Variants in KCNH7 observed in about 807,000 individuals in gnomAD.
KCNH7 encodes the protein potassium voltage-gated channel subfamily H member 7.
Under a neutral mutation model 120.8 loss-of-function variants are expected in KCNH7, and 49 were observed. The observed-to-expected ratio is 0.41, with a 90% confidence interval of 0.32 to 0.51. The LOEUF (loss-of-function observed/expected upper bound fraction) is 0.51. Among genes scored for constraint, KCNH7 ranks in the 20% least tolerant of loss-of-function variants. The probability of loss-of-function intolerance (pLI) is 0.38; values close to 1 mark genes in which losing one functional copy is unlikely to be tolerated. For missense variants in KCNH7, 1,097 were observed against 1,446.6 expected, an observed-to-expected ratio of 0.76 and a Z score of 3.92; for synonymous variants, 547 against 516.1, an observed-to-expected ratio of 1.06 and a Z score of -0.81.
chr2:162,592,103 T>G (rs940188930), intron 2 of KCNH7, among the ~76,000 whole-genome samples: 2 of 152,058 alleles, frequency 1.3e-5, no homozygotes, highest in African/African-American at 4.8e-5. Flanking sequence ...AACAAAAATA[T>G]AGGCAAAGAA....
At chr2:162,746,575 C>A (rs1027888227) in intron 2 of KCNH7, among the ~76,000 whole-genome samples, 4 of 151,974 alleles carry the variant, frequency 2.6e-5, no homozygotes, top group African/African-American at 7.2e-5. Flanking sequence ...CACACTTGAA[C>A]AGCCCAGATT....
intron 2 of KCNH7, among the ~76,000 whole-genome samples, chr2:162,616,542 T>C (rs1264758624): frequency 1.3e-5 from 2 of 152,182 alleles, no homozygotes; most frequent in Admixed American, 6.5e-5. Flanking sequence ...GTGGGTCAGA[T>C]TGTATGGTGT....
intron 5 of KCNH7, among the ~76,000 whole-genome samples, chr2:162,506,015 A>G (rs1161647999): frequency 6.6e-6 from 1 of 151,854 alleles, no homozygotes; most frequent in East Asian, 1.9e-4. Context: ...AAAAGTTTAC[A>G]CTTGTTTATT....
At chr2:162,400,068 T>C in intron 10 of KCNH7, 121 bp downstream of exon 10, 3 of 1,083,784 alleles carry the variant, frequency 2.8e-6, no homozygotes, top group African/African-American at 3.2e-5. Flanking sequence ...GCTTTCAAAT[T>C]ACCCACCATC....
At position 162,517,734 on chromosome 2, in the gene KCNH7, G is replaced by A. The variant is rs746682197; in HGVS notation, c.888C>T (p.Ser296=). ...TTAAAAAAAAATCAAACATACCTTC[G>A]CTGGCATGTCGGTCTCTAAATATGT... ...PKNIFRDRHA[S]EDNGRNVKGP... Residue 296 remains serine (S), a synonymous_variant, in exon 4 of 16, where the codon AGC becomes AGT. Transcript: ENST00000332142. The A allele has an allele frequency of 5.1e-5, 78 of 1,543,350 alleles. No individual in the cohort carries two copies. In the East Asian group the frequency reaches 1.2e-3, roughly 23 times the overall value.
At position 162,836,728 on chromosome 2, in the gene KCNH7, C is replaced by A. The variant is rs1166460826; in HGVS notation, c.116G>T (p.Cys39Phe). Residue 39 changes from cysteine (C) to phenylalanine (F), a missense_variant, in exon 2 of 16, where the codon TGT becomes TTT. This residue lies in a region of KCNH7 where 57 missense variants were observed against 116.2 expected (regional missense o/e 0.49). Coordinates refer to ENST00000332142, the MANE Select transcript of KCNH7 (RefSeq NM_033272.4). ...CCCATCGTTGCAATAAATGATGGCA[C>A]AGTTCTGCACTCTGGCATTTGCAAT... The part of the protein sequence containing the change: ...FIIANARVQN[C>F]AIIYCNDGFC... 1.9e-6 allele frequency: 3 copies of A among 1,613,896 alleles called. No homozygotes were observed. In the Admixed American group the frequency reaches 5.0e-5, roughly 27 times the overall value.
intron 6 of KCNH7, among the ~76,000 whole-genome samples, chr2:162,488,821 T>C (rs1337016871): frequency 2.6e-5 from 4 of 152,198 alleles, no homozygotes; most frequent in African/African-American, 7.2e-5. Context: ...CACTTCCCAG[T>C]GCCAGGGCTC....
chr2:162,517,601 TTTTA>T, intron 4 of KCNH7, 125 bp downstream of exon 4: 3 of 799,840 alleles, frequency 3.8e-6, no homozygotes, highest in Non-Finnish European at 5.6e-6. Context: ...GGACTCAGGT[TTTTA>T]ATAGCCTTTA....
chr2:162,481,199 A>G (rs1237141807), intron 6 of KCNH7, among the ~76,000 whole-genome samples: 2 of 152,148 alleles, frequency 1.3e-5, no homozygotes, highest in Non-Finnish European at 1.5e-5. Context: ...ATGTGTCACC[A>G]CTGTAACCAG....
At chr2:162,520,773 G>T (rs1365751029) in intron 3 of KCNH7, among the ~76,000 whole-genome samples, 2 of 151,710 alleles carry the variant, frequency 1.3e-5, no homozygotes, top group Middle Eastern at 3.4e-3. Context: ...TATCTCTAAA[G>T]AAAGAAAAAT....
intron 2 of KCNH7, among the ~76,000 whole-genome samples, chr2:162,636,718 A>G (rs1312443925): frequency 2.0e-5 from 3 of 152,132 alleles, no homozygotes; most frequent in Non-Finnish European, 4.4e-5. Context: ...TTTCATTAAC[A>G]TGGATGGAAG....
chr2:162,604,691 T>A (rs746128522), intron 2 of KCNH7, among the ~76,000 whole-genome samples: 29 of 152,120 alleles, frequency 1.9e-4, no homozygotes, highest in Admixed American at 3.9e-4. Context: ...TCTGGAGGTC[T>A]TCCTCTTCCT....
At chr2:162,417,531 G>A (rs1391548632) in intron 9 of KCNH7, among the ~76,000 whole-genome samples, 1 of 152,094 alleles carries the variant, frequency 6.6e-6, no homozygotes, top group African/African-American at 2.4e-5. Flanking sequence ...TCTAACTACT[G>A]TAAGAGTAAC....
At chr2:162,453,986 T>C (rs184700303) in intron 6 of KCNH7, among the ~76,000 whole-genome samples, 2 of 152,292 alleles carry the variant, frequency 1.3e-5, no homozygotes, top group African/African-American at 4.8e-5. Flanking sequence ...ATTTTGGCTT[T>C]TGTTGCAATT....
At chr2:162,508,191 G>T (rs1237622777) in intron 5 of KCNH7, among the ~76,000 whole-genome samples, 1 of 151,448 alleles carries the variant, frequency 6.6e-6, no homozygotes, top group Non-Finnish European at 1.5e-5. Flanking sequence ...CATTGGATCT[G>T]ATATGATTGA....
intron 6 of KCNH7, among the ~76,000 whole-genome samples, chr2:162,457,911 A>T (rs1558955842): frequency 6.6e-6 from 1 of 152,168 alleles, no homozygotes; most frequent in Non-Finnish European, 1.5e-5. Flanking sequence ...TATCACTGAA[A>T]CCAGCAATCT....
chr2:162,768,502 G>A (rs1682912895), intron 2 of KCNH7, among the ~76,000 whole-genome samples: 1 of 152,066 alleles, frequency 6.6e-6, no homozygotes, highest in Non-Finnish European at 1.5e-5. Context: ...ACTTAATTAA[G>A]CAATGCCACA....
chr2:162,485,778 C>A (rs922975960), intron 6 of KCNH7, among the ~76,000 whole-genome samples: 2 of 152,068 alleles, frequency 1.3e-5, no homozygotes, highest in Non-Finnish European at 2.9e-5. Flanking sequence ...ATGGATATAC[C>A]TGTGGGCATA....
At chr2:162,809,265 G>A (rs532487715) in intron 2 of KCNH7, among the ~76,000 whole-genome samples, 1 of 152,232 alleles carries the variant, frequency 6.6e-6, no homozygotes, top group East Asian at 1.9e-4. Flanking sequence ...GAGGGAATCT[G>A]AATAAAAACA....
Sources: allele counts gnomAD v4.1 joint callset (sites outside exome capture counted in the v4.1 genomes callset), GRCh38; gene constraint gnomAD v4.1.1; regional missense constraint gnomAD v4.1.1; transcripts MANE v1.5; gene names NCBI Gene and HGNC (gene_info 2026-07-23, HGNC 2026-07-21).